UBE3C: variants seen among roughly 807,000 people sequenced by gnomAD.
The protein encoded by UBE3C is ubiquitin protein ligase E3C.
UBE3C carries 42 observed loss-of-function variants against 129.4 expected under a neutral mutation model. The observed-to-expected ratio is 0.32, with a 90% CI of 0.25 to 0.42. UBE3C has a LOEUF of 0.42. Among genes scored for constraint, UBE3C ranks in the 10% least tolerant of loss-of-function variants. The pLI, the probability that UBE3C is intolerant of heterozygous loss-of-function variation, is 1.00. For synonymous variants in UBE3C, 510 were observed against 492.4 expected (o/e 1.04, Z -0.47); for missense variants, 1,049 against 1,319.1 (o/e 0.80, Z 3.17).
intron 1 of UBE3C, 128 bp from the exon 2 acceptor site, chr7:157,163,682 A>T: frequency 1.1e-6 from 1 of 912,574 alleles, no homozygotes; most frequent in Non-Finnish European, 1.7e-6. Context: ...TCATCTGATT[A>T]AGTCAAGACA....
At chr7:157,196,428 AT>A (rs994940178) in intron 10 of UBE3C, among the ~76,000 whole-genome samples, 1 of 152,166 alleles carries the variant, frequency 6.6e-6, no homozygotes, top group African/African-American at 2.4e-5. Flanking sequence ...AAATACAAAC[AT>A]TTATGCTGGT....
intron 18 of UBE3C, among the ~76,000 whole-genome samples, chr7:157,233,973 A>T (rs1796088694): frequency 6.6e-6 from 1 of 152,206 alleles, no homozygotes; most frequent in African/African-American, 2.4e-5. Flanking sequence ...CATGTGCTTC[A>T]TGACTTCTGT....
intron 10 of UBE3C, chr7:157,192,628 A>G (rs1481726368): frequency 2.6e-6 from 2 of 765,494 alleles, no homozygotes; most frequent in Non-Finnish European, 4.8e-6. Flanking sequence ...CCCACTCCCA[A>G]GAAGAATAAG....
At chr7:157,163,890 A>G (rs1464751311) in intron 2 of UBE3C, 27 bp downstream of exon 2, 2 of 1,607,348 alleles carry the variant, frequency 1.2e-6, no homozygotes, top group African/African-American at 2.7e-5. Context: ...AATACTCTGT[A>G]GATAAGCATT....
chr7:157,258,030 C>T (rs1796801145), intron 22 of UBE3C, among the ~76,000 whole-genome samples: 2 of 151,238 alleles, frequency 1.3e-5, no homozygotes, highest in African/African-American at 4.9e-5. Context: ...TCACTGCAGC[C>T]GCAGCCACCC....
intron 1 of UBE3C, among the ~76,000 whole-genome samples, chr7:157,142,649 A>G (rs1807486926): frequency 6.6e-6 from 1 of 152,028 alleles, no homozygotes; most frequent in Non-Finnish European, 1.5e-5. Context: ...TTGATTACAC[A>G]TGGACATAAA....
At chr7:157,259,213 A>G (rs2116704947) in intron 22 of UBE3C, among the ~76,000 whole-genome samples, 1 of 152,396 alleles carries the variant, frequency 6.6e-6, no homozygotes, top group African/African-American at 2.4e-5. Context: ...GGAGCCCCGC[A>G]GTCACGTTGT....
chr7:157,202,885 T>G (rs1320015957), intron 11 of UBE3C, among the ~76,000 whole-genome samples: 1 of 152,186 alleles, frequency 6.6e-6, no homozygotes, highest in Non-Finnish European at 1.5e-5. Context: ...GAAAGTGGTC[T>G]TGTTTTCTTT....
At chr7:157,161,829 C>T (rs991702686) in intron 1 of UBE3C, among the ~76,000 whole-genome samples, 5 of 151,804 alleles carry the variant, frequency 3.3e-5, no homozygotes, top group Admixed American at 1.3e-4. Context: ...CCCAGCAGTT[C>T]GGGAGGCCAA....
intron 13 of UBE3C, among the ~76,000 whole-genome samples, chr7:157,215,462 ATTATAAAT>A (rs1795531673): frequency 6.7e-6 from 1 of 148,426 alleles, no homozygotes; most frequent in Admixed American, 6.8e-5. Context: ...GATTAGATAT[ATTATAAAT>A]TTATATATTA....
At chr7:157,175,819 T>C (rs1034712161) in intron 5 of UBE3C, among the ~76,000 whole-genome samples, 3 of 152,252 alleles carry the variant, frequency 2.0e-5, no homozygotes, top group African/African-American at 7.2e-5. Context: ...TAATAAACTT[T>C]TAGTTTGAAA....
chr7:157,174,144 C>T (rs1586662715), intron 4 of UBE3C, among the ~76,000 whole-genome samples: 1 of 152,274 alleles, frequency 6.6e-6, no homozygotes, highest in African/African-American at 2.4e-5. Flanking sequence ...TGGTGGATCA[C>T]TCGAGGCCAG....
rs3039755 is a variant in UBE3C at position 157,169,373 on chromosome 7, C to CT, written c.195+266dup. ...AAATAGAAGGAAGTCATGAGAGATC[C>CT]TTTTTTTTTTTTTTTAAATTGAGAC... is the stretch of plus-strand genomic sequence containing the variant. On this transcript the variant is annotated intron_variant, in intron 3 of 22. Coordinates refer to ENST00000348165, the MANE Select transcript of UBE3C (RefSeq NM_014671.3). 3.1e-3 allele frequency among the ~76,000 whole-genome samples: 436 copies of CT among 142,496 alleles called. 1 individual carries two copies. Among genetic ancestry groups the CT allele is most frequent in the African/African-American group, 6.4e-3 (246 of 38,738 alleles). 93.5% of individuals were successfully genotyped at this position (142,496 alleles called of 152,430 possible).
Position 157,205,701 on chromosome 7 carries a change from T to A in UBE3C, c.1419-1697T>A, listed in dbSNP as rs375004239. ...TGGAAGAATGGCATTCATTCATTGA[T>A]GAATCTGTTCAGCATAGTGCTAAAT... On this transcript the variant is annotated intron_variant, in intron 11 of 22. Transcript: ENST00000348165. Among the ~76,000 whole-genome samples the A allele has an allele frequency of 1.3e-4, 20 of 152,370 alleles. No individual in the cohort carries two copies. In the East Asian group the frequency reaches 2.5e-3, roughly 19 times the overall value.
At chr7:157,256,362 C>T (rs1310083732) in intron 21 of UBE3C, among the ~76,000 whole-genome samples, 3 of 152,188 alleles carry the variant, frequency 2.0e-5, no homozygotes, top group South Asian at 2.1e-4. Flanking sequence ...AGGCTGCTCT[C>T]GAACTCCCGA....
At chr7:157,182,067 A>G in intron 7 of UBE3C, 41 bp from the exon 8 acceptor site, 1 of 1,507,878 alleles carries the variant, frequency 6.6e-7, no homozygotes, top group South Asian at 1.4e-5. Context: ...GATGGACAGT[A>G]TAATTTGATT....
intron 10 of UBE3C, chr7:157,188,804 G>T (rs1251623323): frequency 4.9e-6 from 2 of 404,120 alleles, no homozygotes; most frequent in African/African-American, 2.4e-5. Context: ...TTTCAATTTT[G>T]ATTTTTTTAA....
At chr7:157,260,962 A>G (rs1290594659) in intron 22 of UBE3C, among the ~76,000 whole-genome samples, 1 of 152,126 alleles carries the variant, frequency 6.6e-6, no homozygotes, top group Non-Finnish European at 1.5e-5. Flanking sequence ...TGAGCGTCGT[A>G]GGTTTAGGGG....
intron 1 of UBE3C, among the ~76,000 whole-genome samples, chr7:157,154,523 C>G (rs775136739): frequency 1.3e-5 from 2 of 152,026 alleles, no homozygotes; most frequent in Non-Finnish European, 2.9e-5. Context: ...GATTCCATAT[C>G]GGCATCTTTA....
Sources: allele counts gnomAD v4.1 joint callset (sites outside exome capture counted in the v4.1 genomes callset), GRCh38; gene constraint gnomAD v4.1.1; transcripts MANE v1.5; gene names NCBI Gene and HGNC (gene_info 2026-07-23, HGNC 2026-07-21).